AGTPBP1: variants seen among roughly 807,000 people sequenced by gnomAD.
The protein encoded by AGTPBP1 is cytosolic carboxypeptidase 1.
A neutral mutation model predicts 143.9 loss-of-function variants in AGTPBP1; 70 were observed. The ratio of observed to expected loss-of-function variants is 0.49; its 90% CI spans 0.40 to 0.59. The LOEUF (loss-of-function observed/expected upper bound fraction) is 0.59, where lower values mean the gene tolerates loss of function less well. Ranked by LOEUF, AGTPBP1 falls within the 20% of genes least tolerant of loss-of-function variation. AGTPBP1 has a pLI of 0.00. For synonymous variants in AGTPBP1, 463 were observed against 500.2 expected (o/e 0.93, Z 0.99); for missense variants, 1,229 against 1,464.5 (o/e 0.84, Z 2.62).
intron 24 of AGTPBP1, among the ~76,000 whole-genome samples, chr9:85,578,081 C>T (rs563072457): frequency 1.2e-4 from 19 of 152,260 alleles, no homozygotes; most frequent in African/African-American, 4.3e-4. Flanking sequence ...TGTGCCAAGG[C>T]AAGAAATAGA....
chr9:85,557,464 T>C (rs559739364), intron 25 of AGTPBP1, among the ~76,000 whole-genome samples: 3 of 152,312 alleles, frequency 2.0e-5, no homozygotes, highest in Middle Eastern at 3.4e-3. Context: ...TCCAATTACA[T>C]GACTTATCTG....
chr9:85,644,124 T>C (rs1228772029), intron 12 of AGTPBP1, among the ~76,000 whole-genome samples: 1 of 152,024 alleles, frequency 6.6e-6, no homozygotes, highest in African/African-American at 2.4e-5. Context: ...TTAGCTATTA[T>C]TTACATAGCC....
chr9:85,640,394 T>C (rs1485443494), intron 13 of AGTPBP1, among the ~76,000 whole-genome samples: 2 of 152,246 alleles, frequency 1.3e-5, no homozygotes, highest in African/African-American at 4.8e-5. Context: ...TTACATACGC[T>C]ACAGAAATAG....
chr9:85,694,281 T>C (rs555335295), intron 2 of AGTPBP1, among the ~76,000 whole-genome samples: 1 of 152,266 alleles, frequency 6.6e-6, no homozygotes, highest in Non-Finnish European at 1.5e-5. Context: ...TCTCTTTCAA[T>C]TATACTTTCT....
At chr9:85,600,604 T>C (rs1213407543) in intron 17 of AGTPBP1, among the ~76,000 whole-genome samples, 1 of 152,034 alleles carries the variant, frequency 6.6e-6, no homozygotes. Context: ...AGTGAGATTC[T>C]CAGTGGTCCA....
intron 1 of AGTPBP1, among the ~76,000 whole-genome samples, chr9:85,725,371 C>A (rs1219018476): frequency 6.6e-6 from 1 of 152,066 alleles, no homozygotes; most frequent in East Asian, 1.9e-4. Context: ...AAATGAACAA[C>A]CTCATTAACA....
chr9:85,669,463 T>C lies in AGTPBP1; in HGVS notation c.662+22A>G, dbSNP rs776339016. ...GAGTAACAAAGGCTATACCTATGTT[T>C]ACATTCAAAACATTTACTCACTTTA... On this transcript the variant is annotated intron_variant, in intron 8 of 25. Coordinates refer to ENST00000357081, the MANE Select transcript of AGTPBP1 (RefSeq NM_001330701.2). The C allele has an allele frequency of 2.6e-6, 4 of 1,510,238 alleles. No individual in the cohort carries two copies. The South Asian group carries it at 4.5e-5, about 17-fold the overall frequency. The allele number at this position is 1,510,238 out of a possible 1,614,324, so 93.6% of individuals were successfully genotyped here.
chr9:85,603,972 T>G (rs200344192), intron 17 of AGTPBP1, among the ~76,000 whole-genome samples: 28 of 152,156 alleles, frequency 1.8e-4, no homozygotes, highest in African/African-American at 6.3e-4. Context: ...TGCAGCAGAA[T>G]AGAACACCAA....
the AGTPBP1 span, among the ~76,000 whole-genome samples, chr9:85,766,246 G>A: frequency 6.6e-6 from 1 of 152,098 alleles, no homozygotes; most frequent in Non-Finnish European, 1.5e-5. Context: ...ATCAAGTTGT[G>A]GATAACGTAT....
intron 1 of AGTPBP1, among the ~76,000 whole-genome samples, chr9:85,731,416 G>A (rs1564192965): frequency 6.7e-6 from 1 of 148,642 alleles, no homozygotes; most frequent in Non-Finnish European, 1.5e-5. Context: ...GTTTGGCAGG[G>A]TTTTTTTTTT....
Position 85,712,568 on chromosome 9 carries a change from T to A in AGTPBP1, c.-33-2A>T. On this transcript the variant is annotated splice_acceptor_variant, in intron 1 of 25. Transcript: ENST00000357081. LOFTEE classifies it low-confidence loss of function (5UTR_SPLICE). ...CTTCATTTCATAATTGCAGATAATCTAAAAGAAAAATGTTAATGATATTAA... is the reference window on the plus strand; with the variant it reads ...CTTCATTTCATAATTGCAGATAATCAAAAAGAAAAATGTTAATGATATTAA... 1 of 1,391,948 alleles carries A rather than the reference T, an allele frequency of 7.2e-7. No homozygotes were observed. Among genetic ancestry groups the A allele is most frequent in the Admixed American group, 2.4e-5 (1 of 41,436 alleles). 86.2% of individuals were successfully genotyped at this position (1,391,948 alleles called of 1,614,324 possible).
At chr9:85,672,314 C>T (rs914890686) in intron 7 of AGTPBP1, among the ~76,000 whole-genome samples, 1 of 152,162 alleles carries the variant, frequency 6.6e-6, no homozygotes, top group Non-Finnish European at 1.5e-5. Flanking sequence ...GGTGATCCGC[C>T]CGCCTTGGCC....
chr9:85,783,486 C>CTA, the AGTPBP1 span, among the ~76,000 whole-genome samples: 224 of 152,206 alleles, frequency 1.5e-3, no homozygotes, highest in African/African-American at 4.8e-3. Flanking sequence ...TCTCATAATG[C>CTA]TACTCTAATA....
chr9:85,675,210 TA>T (rs1188266364), intron 6 of AGTPBP1, among the ~76,000 whole-genome samples: 1 of 152,084 alleles, frequency 6.6e-6, no homozygotes, highest in Non-Finnish European at 1.5e-5. Flanking sequence ...GCAAAACTCT[TA>T]AAACACAATT....
the AGTPBP1 span, among the ~76,000 whole-genome samples, chr9:85,775,558 T>C: frequency 6.8e-6 from 1 of 146,960 alleles, no homozygotes; most frequent in African/African-American, 2.5e-5. Context: ...ATATAGGATA[T>C]ATAAAATATA....
chr9:85,630,443 G>A (rs1053365305), intron 14 of AGTPBP1, among the ~76,000 whole-genome samples: 1 of 147,450 alleles, frequency 6.8e-6, no homozygotes, highest in African/African-American at 2.5e-5. Flanking sequence ...CTGTCACCCA[G>A]GCTGGAGTGC....
chr9:85,605,645 G>C (rs1829945979), intron 17 of AGTPBP1, among the ~76,000 whole-genome samples: 2 of 151,968 alleles, frequency 1.3e-5, no homozygotes, highest in African/African-American at 4.8e-5. Context: ...ATGTTGAGTA[G>C]AAAGACAAAA....
chr9:85,588,218 T>C (rs528486935), intron 21 of AGTPBP1, 80 bp downstream of exon 21: 5 of 1,210,268 alleles, frequency 4.1e-6, no homozygotes, highest in South Asian at 2.3e-5. Context: ...TTTGTTAACC[T>C]GGACATTGTT....
chr9:85,777,734 C>T, the AGTPBP1 span, among the ~76,000 whole-genome samples: 2 of 152,234 alleles, frequency 1.3e-5, no homozygotes, highest in African/African-American at 4.8e-5. Context: ...TGTCACCAGT[C>T]TTCCAATCAT....
Sources: gnomAD v4.1 joint callset for allele counts (sites outside exome capture counted in the v4.1 genomes callset) on GRCh38, gnomAD v4.1.1 for gene constraint, MANE v1.5 for transcripts, NCBI Gene and HGNC (gene_info 2026-07-23, HGNC 2026-07-21) for gene names.